Variants in ARID2 observed in about 807,000 individuals in gnomAD.
ARID2 encodes the protein AT-rich interaction domain 2.
ARID2 carries 32 observed loss-of-function variants against 184.6 expected under a neutral mutation model. That is an observed-to-expected ratio of 0.17 (90% CI 0.13 to 0.23). The LOEUF (loss-of-function observed/expected upper bound fraction) is 0.23. ARID2 is among the 10% of genes least tolerant of loss of function. The probability of loss-of-function intolerance (pLI) is 1.00; values close to 1 mark genes in which losing one functional copy is unlikely to be tolerated. For synonymous variants in ARID2, 836 were observed against 772.6 expected (o/e 1.08, Z -1.36); for missense variants, 1,696 against 2,197.6 (o/e 0.77, Z 4.56).
intron 20 of ARID2, among the ~76,000 whole-genome samples, chr12:45,902,469 G>T (rs560257089): frequency 2.6e-5 from 4 of 151,196 alleles, no homozygotes; most frequent in Non-Finnish European, 4.4e-5. Flanking sequence ...TTCTTTCTTT[G>T]TTAAAATATT....
chr12:45,817,929 A>G, intron 5 of ARID2, 41 bp downstream of exon 5: 3 of 1,510,238 alleles, frequency 2.0e-6, no homozygotes, highest in South Asian at 2.6e-5. Context: ...TCTTCTGTAA[A>G]AGTTTTTTTT....
At chr12:45,783,635 A>C (rs1166285078) in intron 3 of ARID2, among the ~76,000 whole-genome samples, 3 of 152,240 alleles carry the variant, frequency 2.0e-5, no homozygotes, top group Non-Finnish European at 4.4e-5. Flanking sequence ...TTGCATGCGC[A>C]GTTCACAGTA....
chr12:45,783,709 C>T (rs554091539), intron 3 of ARID2, among the ~76,000 whole-genome samples: 40 of 152,374 alleles, frequency 2.6e-4, no homozygotes, highest in Non-Finnish European at 4.0e-4. Context: ...AGCGCAGTTT[C>T]GCTGGCTTGC....
chr12:45,736,311 C>A (rs1021055300), intron 3 of ARID2, among the ~76,000 whole-genome samples: 1 of 150,650 alleles, frequency 6.6e-6, no homozygotes, highest in Non-Finnish European at 1.5e-5. Context: ...GAGCCGAGAT[C>A]GTGCCACTGC....
At position 45,746,392 on chromosome 12, in the gene ARID2, T is replaced by A. The variant is rs1941355822; in HGVS notation, c.284+15078T>A. Reference sequence around the variant, plus strand: ...TCCCAAAGTGTTGGGATTGCAGACCTGAGCCACCCACCCAGCCTGATTCTA... The same window carrying A: ...TCCCAAAGTGTTGGGATTGCAGACCAGAGCCACCCACCCAGCCTGATTCTA... On this transcript the variant is annotated intron_variant, in intron 3 of 20. Transcript: ENST00000334344. Among the ~76,000 whole-genome samples, 4 of 152,280 alleles carry A rather than the reference T, an allele frequency of 2.6e-5. No homozygotes were observed. The South Asian group carries it at 8.3e-4, about 32-fold the overall frequency.
At chr12:45,793,231 C>T (rs866968422) in intron 3 of ARID2, among the ~76,000 whole-genome samples, 1 of 151,926 alleles carries the variant, frequency 6.6e-6, no homozygotes, top group African/African-American at 2.4e-5. Context: ...ACCCCGGAAG[C>T]AGAGGTTGCA....
At position 45,829,638 on chromosome 12, in the gene ARID2, T is replaced by A. The variant is rs144017823; in HGVS notation, c.706-6951T>A. Reference sequence around the variant, plus strand: ...TGTAGATTATAAGTTATATTTTTATTGTATTATTGTCATTCTGTTGTTTTT... The same window carrying A: ...TGTAGATTATAAGTTATATTTTTATAGTATTATTGTCATTCTGTTGTTTTT... On this transcript the variant is annotated intron_variant, in intron 6 of 20. Transcript: ENST00000334344. Among the ~76,000 whole-genome samples, 894 of 151,980 alleles carry A rather than the reference T, an allele frequency of 5.9e-3. 8 individuals are homozygous for A. Among genetic ancestry groups the A allele is most frequent in the African/African-American group, 0.02 (851 of 41,542 alleles).
chr12:45,885,712 G>A (rs1944175063), intron 16 of ARID2, among the ~76,000 whole-genome samples: 1 of 152,188 alleles, frequency 6.6e-6, no homozygotes, highest in African/African-American at 2.4e-5. Flanking sequence ...GGCAGAAGGA[G>A]AAGCAAACAT....
intron 6 of ARID2, among the ~76,000 whole-genome samples, chr12:45,824,421 A>T (rs1000151069): frequency 4.6e-5 from 7 of 152,212 alleles, no homozygotes; most frequent in African/African-American, 1.7e-4. Context: ...TGGAAGTCCT[A>T]GCCAAAGGAA....
Position 45,831,316 on chromosome 12 carries a change from C to T in ARID2, c.706-5273C>T, listed in dbSNP as rs1411710852. Among the ~76,000 whole-genome samples the T allele has an allele frequency of 2.6e-5, 4 of 152,158 alleles. No homozygotes were observed. The South Asian group carries it at 6.2e-4, about 24-fold the overall frequency. On this transcript the variant is annotated intron_variant, in intron 6 of 20. Transcript: ENST00000334344. ...TATTCTACCAATTTGATATGTCATGCGTTCATTACAACTGAGTATCTTCTC... is the reference window on the plus strand; with the variant it reads ...TATTCTACCAATTTGATATGTCATGTGTTCATTACAACTGAGTATCTTCTC...
At chr12:45,806,239 G>C (rs1001976042) in intron 3 of ARID2, among the ~76,000 whole-genome samples, 1 of 151,708 alleles carries the variant, frequency 6.6e-6, no homozygotes, top group Non-Finnish European at 1.5e-5. Context: ...TGGTGGTTCT[G>C]GATAGTTCTA....
intron 3 of ARID2, among the ~76,000 whole-genome samples, chr12:45,796,772 C>T (rs1942399647): frequency 6.6e-6 from 1 of 152,188 alleles, no homozygotes. Context: ...CTTGGCCTCC[C>T]AGAGTGAATA....
intron 3 of ARID2, among the ~76,000 whole-genome samples, chr12:45,791,390 T>A (rs554758617): frequency 4.8e-4 from 73 of 152,354 alleles, no homozygotes; most frequent in African/African-American, 1.8e-3. Context: ...TAGGCCAACC[T>A]TAAATCCTGG....
chr12:45,782,984 G>A (rs1231362546), intron 3 of ARID2, among the ~76,000 whole-genome samples: 1 of 151,866 alleles, frequency 6.6e-6, no homozygotes, highest in Non-Finnish European at 1.5e-5. Flanking sequence ...AAATTAGCCA[G>A]GGGTGGTCGT....
chr12:45,789,870 A>C (rs1403538150), intron 3 of ARID2, among the ~76,000 whole-genome samples: 1 of 152,188 alleles, frequency 6.6e-6, no homozygotes, highest in Non-Finnish European at 1.5e-5. Flanking sequence ...TAATCCTAGC[A>C]CTTTTGGATG....
chr12:45,870,909 G>T (rs887660342), intron 16 of ARID2, among the ~76,000 whole-genome samples: 2 of 152,110 alleles, frequency 1.3e-5, no homozygotes, highest in Non-Finnish European at 2.9e-5. Context: ...GAACTAAGGT[G>T]TTATAAACAT....
At chr12:45,794,359 A>C (rs1388269219) in intron 3 of ARID2, among the ~76,000 whole-genome samples, 2 of 152,202 alleles carry the variant, frequency 1.3e-5, no homozygotes, top group African/African-American at 4.8e-5. Flanking sequence ...AATTTTCAAA[A>C]ATTATTGGAA....
At chr12:45,771,536 A>G (rs2138024848) in intron 3 of ARID2, among the ~76,000 whole-genome samples, 1 of 151,644 alleles carries the variant, frequency 6.6e-6, no homozygotes, top group East Asian at 1.9e-4. Context: ...AGTTAGCCAC[A>G]GTGTTGCATG....
chr12:45,757,694 C>T (rs186633327), intron 3 of ARID2, among the ~76,000 whole-genome samples: 31 of 152,154 alleles, frequency 2.0e-4, no homozygotes, highest in East Asian at 3.9e-4. Context: ...TGAGAGGAGT[C>T]GTTTAAAAAA....
Sources: allele counts gnomAD v4.1 joint callset (sites outside exome capture counted in the v4.1 genomes callset), GRCh38; gene constraint gnomAD v4.1.1; transcripts MANE v1.5; gene names NCBI Gene and HGNC (gene_info 2026-07-23, HGNC 2026-07-21).